POLR1A: variants seen among roughly 807,000 people sequenced by gnomAD.
POLR1A encodes RNA polymerase I subunit A.
POLR1A carries 84 observed loss-of-function variants against 205.3 expected under a neutral mutation model. That is an observed-to-expected ratio of 0.41 (90% CI 0.34 to 0.49). The LOEUF (loss-of-function observed/expected upper bound fraction) is 0.49. Ranked by LOEUF, POLR1A falls within the 20% of genes least tolerant of loss-of-function variation. The pLI is 0.22. For synonymous variants in POLR1A, 799 were observed against 863.7 expected, an observed-to-expected ratio of 0.93 and a Z score of 1.31; for missense variants, 1,645 against 2,204.5, an observed-to-expected ratio of 0.75 and a Z score of 5.08.
chr2:86,088,722 T>C, intron 5 of POLR1A, 53 bp from the exon 6 acceptor site: 1 of 1,596,054 alleles, frequency 6.3e-7, no homozygotes, highest in Non-Finnish European at 8.6e-7. Context: ...GTAAGATATT[T>C]AATAATAGCA....
At chr2:86,088,980 A>C (rs1433652509) in intron 4 of POLR1A, 110 bp from the exon 5 acceptor site, 6 of 709,576 alleles carry the variant, frequency 8.5e-6, no homozygotes, top group Non-Finnish European at 1.4e-5. Context: ...AAACACCCCC[A>C]CCACCACTTT....
intron 3 of POLR1A, among the ~76,000 whole-genome samples, chr2:86,093,845 C>T (rs1225652739): frequency 2.0e-5 from 3 of 152,130 alleles, no homozygotes; most frequent in East Asian, 3.8e-4. Flanking sequence ...ATACTAATGT[C>T]CTTTACAGCA....
chr2:86,041,122 A>G (rs192799305), intron 24 of POLR1A, among the ~76,000 whole-genome samples: 69 of 151,576 alleles, frequency 4.6e-4, no homozygotes, highest in African/African-American at 1.3e-3. Flanking sequence ...CCCTGTTAAG[A>G]ACAGCCACTA....
At chr2:86,030,512 C>T in intron 30 of POLR1A, 116 bp from the exon 31 acceptor site, 1 of 722,962 alleles carries the variant, frequency 1.4e-6, no homozygotes, top group Non-Finnish European at 2.4e-6. Flanking sequence ...GGAAAGTGGT[C>T]CTGCTGGGCA....
chr2:86,042,592 G>A (rs558076933), intron 23 of POLR1A, among the ~76,000 whole-genome samples: 1 of 152,350 alleles, frequency 6.6e-6, no homozygotes, highest in Non-Finnish European at 1.5e-5. Flanking sequence ...GGCACCAGCA[G>A]CAGAGGGAAA....
At chr2:86,043,538 G>T (rs1381384463) in intron 22 of POLR1A, among the ~76,000 whole-genome samples, 1 of 152,170 alleles carries the variant, frequency 6.6e-6, no homozygotes, top group South Asian at 2.1e-4. Context: ...TAGGAACCAG[G>T]ATGGAAAGGA....
intron 14 of POLR1A, among the ~76,000 whole-genome samples, chr2:86,064,343 T>G (rs1673049690): frequency 6.6e-6 from 1 of 152,174 alleles, no homozygotes; most frequent in African/African-American, 2.4e-5. Context: ...TAAGATCACA[T>G]AGCCAATTAG....
chr2:86,102,970 T>C (rs962954170), intron 1 of POLR1A, among the ~76,000 whole-genome samples: 2 of 152,232 alleles, frequency 1.3e-5, no homozygotes, highest in African/African-American at 4.8e-5. Flanking sequence ...CTAGCTCCTC[T>C]ATCCATCTAT....
intron 24 of POLR1A, among the ~76,000 whole-genome samples, chr2:86,040,793 G>A (rs1045457667): frequency 1.3e-5 from 2 of 152,252 alleles, no homozygotes; most frequent in Non-Finnish European, 2.9e-5. Context: ...AGACATTCAT[G>A]CTTGGACTCC....
intron 8 of POLR1A, 137 bp from the exon 9 acceptor site, chr2:86,081,115 G>T: frequency 1.3e-6 from 1 of 775,456 alleles, no homozygotes; most frequent in East Asian, 2.6e-5. Context: ...CAACATTCCG[G>T]CTGGGTGTGG....
Position 86,070,264 on chromosome 2 carries a change from C to A in POLR1A, c.1620G>T (p.Arg540=), listed in dbSNP as rs1478701282. 1 of 1,608,274 alleles carries A rather than the reference C, an allele frequency of 6.2e-7. No individual in the cohort carries two copies. The change falls in exon 13 of 34, where the codon CGG becomes CGT. Residue 540 remains arginine, a synonymous_variant. Transcript: ENST00000263857. This position sits in a 1 kb window ranked among gnomAD's most constrained non-coding sequence, Gnocchi z 4.4. ...GCAGAATGTCCCCATTCTTCACATG[C>A]CGGCACACCTGGGAACAGAGTGGAC... ...PKPQGTKIVC[R]HVKNGDILLL...
At chr2:86,063,544 A>G (rs912135692) in intron 14 of POLR1A, among the ~76,000 whole-genome samples, 1 of 152,088 alleles carries the variant, frequency 6.6e-6, no homozygotes, top group African/African-American at 2.4e-5. Context: ...CCAAAACCAA[A>G]CAAACATATT....
intron 14 of POLR1A, among the ~76,000 whole-genome samples, chr2:86,062,459 T>C (rs1369372403): frequency 6.6e-6 from 1 of 151,360 alleles, no homozygotes; most frequent in African/African-American, 2.4e-5. Context: ...TACTTCTAAA[T>C]AACTCATGGA....
chr2:86,066,082 G>A (rs1015803523), intron 13 of POLR1A, among the ~76,000 whole-genome samples: 2 of 152,206 alleles, frequency 1.3e-5, no homozygotes, highest in African/African-American at 4.8e-5. Context: ...AACAGGGTGG[G>A]TCATAATATA....
chr2:86,102,028 A>G (rs903528611), intron 1 of POLR1A, among the ~76,000 whole-genome samples: 45 of 152,174 alleles, frequency 3.0e-4, no homozygotes, highest in African/African-American at 1.1e-3. Flanking sequence ...TTATGTATCA[A>G]CCCATCCATT....
chr2:86,028,262 C>T lies in POLR1A; in HGVS notation c.4898-213G>A, dbSNP rs1672307385. Among the ~76,000 whole-genome samples the T allele has an allele frequency of 6.6e-6, 1 of 152,218 alleles. No individual in the cohort carries two copies. ...CCTGCATCCTGCTTCCCGCTTCCTT[C>T]CAGCAGCACAGGAAATGAGGATCTA... is the stretch of plus-strand genomic sequence containing the variant. On this transcript the variant is annotated intron_variant, in intron 32 of 33. Coordinates refer to ENST00000263857, the MANE Select transcript of POLR1A (RefSeq NM_015425.6). This position sits in a 1 kb window ranked among gnomAD's most constrained non-coding sequence, Gnocchi z 4.5.
At position 86,105,840 on chromosome 2, in the gene POLR1A, T is replaced by C. The variant is rs550422619; in HGVS notation, c.-64A>G. On this transcript the variant is annotated 5_prime_UTR_variant, in exon 1 of 34. Coordinates refer to ENST00000263857, the MANE Select transcript of POLR1A (RefSeq NM_015425.6). ...GTTCCACTCACCACCTGACTATTCT[T>C]AATTCAACCTCAAGCCCGGAGTCAC... 21 of 1,399,560 alleles carry C rather than the reference T, an allele frequency of 1.5e-5. No individual in the cohort carries two copies. In the East Asian group the frequency reaches 4.6e-4, roughly 31 times the overall value. 86.7% of individuals were successfully genotyped at this position (1,399,560 alleles called of 1,614,324 possible).
chr2:86,092,582 T>C lies in POLR1A; in HGVS notation c.433-2653A>G, dbSNP rs180850514. On this transcript the variant is annotated intron_variant, in intron 3 of 33. Coordinates refer to ENST00000263857, the MANE Select transcript of POLR1A (RefSeq NM_015425.6). ...GCTCATGCCTGTAATCCCAGCACTT[T>C]GGGAGGCCAAGGTGGGTGGATCACT... Among the ~76,000 whole-genome samples, 237 of 152,354 alleles carry C rather than the reference T, an allele frequency of 1.6e-3. 3 individuals carry two copies. The highest frequency in any genetic ancestry group is 3.7e-3 in the East Asian group (19 of 5,190).
chr2:86,028,488 G>A lies in POLR1A; in HGVS notation c.4897+106C>T, dbSNP rs1672311016. 1.3e-6 allele frequency: 1 copy of A among 790,428 alleles called. No homozygotes were observed. 49.0% of individuals were successfully genotyped at this position (790,428 alleles called of 1,614,324 possible). On this transcript the variant is annotated intron_variant, in intron 32 of 33. Coordinates refer to ENST00000263857, the MANE Select transcript of POLR1A (RefSeq NM_015425.6). The surrounding 1 kb of genome is among the most constrained non-coding windows in gnomAD (Gnocchi z 4.5). Reference sequence around the variant, plus strand: ...ATGCTGCAGTGCCTGCCTTAGTGCTGGACTGACTCGGTGCTGGACCGACAC... The same window carrying A: ...ATGCTGCAGTGCCTGCCTTAGTGCTAGACTGACTCGGTGCTGGACCGACAC...
Sources: gnomAD v4.1 joint callset for allele counts (sites outside exome capture counted in the v4.1 genomes callset) on GRCh38, gnomAD v4.1.1 for gene constraint, Gnocchi (gnomAD v3.1) non-coding constraint, MANE v1.5 for transcripts, NCBI Gene and HGNC (gene_info 2026-07-23, HGNC 2026-07-21) for gene names.